TANC2: variants seen among roughly 807,000 people sequenced by gnomAD.
TANC2 encodes tetratricopeptide repeat, ankyrin repeat and coiled-coil containing 2.
In TANC2, 26 loss-of-function variants were observed where a neutral mutation model predicts 210.5. The ratio of observed to expected loss-of-function variants is 0.12; its 90% confidence interval spans 0.09 to 0.17. The LOEUF is 0.17. TANC2 is among the 10% of genes least tolerant of loss of function. The pLI, the probability that TANC2 is intolerant of heterozygous loss-of-function variation, is 1.00. For synonymous variants in TANC2, 931 were observed against 967.1 expected (o/e 0.96, Z 0.69); for missense variants, 2,129 against 2,608.9 (o/e 0.82, Z 4.01).
chr17:63,227,110 A>G (rs2042349044), intron 7 of TANC2, among the ~76,000 whole-genome samples: 1 of 152,168 alleles, frequency 6.6e-6, no homozygotes, highest in African/African-American at 2.4e-5. Flanking sequence ...TCCTTTGGGT[A>G]TATACCCAGT....
chr17:63,336,363 G>A (rs1258036793), intron 11 of TANC2, among the ~76,000 whole-genome samples: 3 of 152,212 alleles, frequency 2.0e-5, no homozygotes, highest in African/African-American at 4.8e-5. Flanking sequence ...CACTTTATGT[G>A]AGATTAGCTT....
intron 13 of TANC2, among the ~76,000 whole-genome samples, chr17:63,354,268 G>A (rs1261619495): frequency 6.6e-6 from 1 of 152,128 alleles, no homozygotes; most frequent in Non-Finnish European, 1.5e-5. Flanking sequence ...GTACCTTTCG[G>A]CTAAGGTATC....
intron 8 of TANC2, among the ~76,000 whole-genome samples, chr17:63,253,995 T>C (rs2043121990): frequency 6.6e-6 from 1 of 152,088 alleles, no homozygotes; most frequent in Non-Finnish European, 1.5e-5. Flanking sequence ...TTCATATAAA[T>C]TTTAGGATTA....
At position 63,169,741 on chromosome 17, in the gene TANC2, G is replaced by A. The variant is rs192513878; in HGVS notation, c.433+18361G>A. 6.1e-3 allele frequency among the ~76,000 whole-genome samples: 927 copies of A among 152,120 alleles called. 6 individuals carry two copies. Among genetic ancestry groups the A allele is most frequent in the Non-Finnish European group, 0.01 (704 of 67,982 alleles). ...AGGCAGGAGAATCACTTGAACCCGG[G>A]AGGCGGAGATTACAGTGAGTCAAGA... On this transcript the variant is annotated intron_variant, in intron 5 of 27. Transcript: ENST00000689528.
intron 11 of TANC2, among the ~76,000 whole-genome samples, chr17:63,328,811 C>A (rs986035246): frequency 6.6e-6 from 1 of 152,046 alleles, no homozygotes; most frequent in Non-Finnish European, 1.5e-5. Flanking sequence ...AAAAATGATA[C>A]AATAGGGAGG....
chr17:63,168,916 T>C (rs1012375295), intron 5 of TANC2, among the ~76,000 whole-genome samples: 2 of 152,236 alleles, frequency 1.3e-5, no homozygotes, highest in South Asian at 4.1e-4. Flanking sequence ...AGATCCTTTA[T>C]TAGCTTAGAC....
At chr17:63,161,674 GAT>G (rs2040030114) in intron 5 of TANC2, among the ~76,000 whole-genome samples, 1 of 152,036 alleles carries the variant, frequency 6.6e-6, no homozygotes, top group South Asian at 2.1e-4. Context: ...CTGGACCATA[GAT>G]ATCTTCTCTG....
intron 11 of TANC2, among the ~76,000 whole-genome samples, chr17:63,330,391 T>G (rs1442540654): frequency 1.3e-5 from 2 of 152,220 alleles, no homozygotes; most frequent in African/African-American, 4.8e-5. Flanking sequence ...ATTTTCCTTT[T>G]TTTTCATTGT....
At chr17:63,399,385 A>G (rs1354440587) in intron 19 of TANC2, 2 of 152,592 alleles carry the variant, frequency 1.3e-5, no homozygotes, top group Admixed American at 6.5e-5. Context: ...ATCTGACACA[A>G]TTAATCTAAT....
intron 5 of TANC2, among the ~76,000 whole-genome samples, chr17:63,158,822 G>T (rs1316112398): frequency 1.3e-5 from 2 of 152,178 alleles, no homozygotes; most frequent in African/African-American, 4.8e-5. Flanking sequence ...CTCACAGGTT[G>T]CAATCAAGGT....
intron 4 of TANC2, among the ~76,000 whole-genome samples, chr17:63,117,580 A>G (rs1395413655): frequency 6.6e-6 from 1 of 152,232 alleles, no homozygotes; most frequent in Non-Finnish European, 1.5e-5. Flanking sequence ...ATCTGCTATA[A>G]GAAGTATCAC....
chr17:63,174,029 G>C (rs1253669386), intron 5 of TANC2, among the ~76,000 whole-genome samples: 3 of 152,118 alleles, frequency 2.0e-5, no homozygotes, highest in African/African-American at 7.2e-5. Context: ...CTCCCCTACA[G>C]CCACTTGTGC....
At chr17:63,310,896 C>G (rs907312360) in intron 9 of TANC2, among the ~76,000 whole-genome samples, 3 of 152,044 alleles carry the variant, frequency 2.0e-5, no homozygotes, top group African/African-American at 4.8e-5. Flanking sequence ...ACCCATTGAC[C>G]CAGAAATTTC....
intron 1 of TANC2, among the ~76,000 whole-genome samples, chr17:62,998,291 C>T (rs2033211279): frequency 6.6e-6 from 1 of 152,174 alleles, no homozygotes; most frequent in South Asian, 2.1e-4. Context: ...ATTTATGACT[C>T]ACTGGCATCC....
chr17:63,039,456 C>A (rs867967171), intron 2 of TANC2, among the ~76,000 whole-genome samples: 1 of 152,176 alleles, frequency 6.6e-6, no homozygotes, highest in South Asian at 2.1e-4. Context: ...TTGCAGGCTG[C>A]AGCTGGAGGA....
At chr17:63,035,148 C>A (rs1218828019) in intron 2 of TANC2, among the ~76,000 whole-genome samples, 1 of 152,118 alleles carries the variant, frequency 6.6e-6, no homozygotes, top group Non-Finnish European at 1.5e-5. Flanking sequence ...GAAACTACCC[C>A]CCGATCAGTC....
chr17:63,119,804 C>T (rs1209198391), intron 4 of TANC2, among the ~76,000 whole-genome samples: 6 of 152,082 alleles, frequency 3.9e-5, no homozygotes, highest in African/African-American at 1.4e-4. Context: ...CCCTTGAGGC[C>T]AGGAGTTCAA....
intron 14 of TANC2, among the ~76,000 whole-genome samples, chr17:63,362,854 G>C (rs1212567652): frequency 6.6e-6 from 1 of 152,138 alleles, no homozygotes; most frequent in Admixed American, 6.5e-5. Flanking sequence ...GCTGGGCAGG[G>C]CTCCCACCCT....
intron 21 of TANC2, among the ~76,000 whole-genome samples, chr17:63,409,955 C>G (rs2048637831): frequency 6.6e-6 from 1 of 152,048 alleles, no homozygotes; most frequent in South Asian, 2.1e-4. Flanking sequence ...ATTTCTAATC[C>G]AAAAATGTGA....
Sources: gnomAD v4.1 joint callset for allele counts (sites outside exome capture counted in the v4.1 genomes callset) on GRCh38, gnomAD v4.1.1 for gene constraint, MANE v1.5 for transcripts, NCBI Gene and HGNC (gene_info 2026-07-23, HGNC 2026-07-21) for gene names.